Variants in CDK15 observed in about 807,000 individuals in gnomAD.
The protein encoded by CDK15 is cyclin dependent kinase 15.
A neutral mutation model predicts 60.3 loss-of-function variants in CDK15; 62 were observed. That is an observed-to-expected ratio of 1.03 (90% CI 0.84 to 1.27). CDK15 has a LOEUF of 1.27. Ranked by LOEUF, CDK15 falls within the 50% of genes most tolerant of loss-of-function variation. The pLI is 0.00. For synonymous variants in CDK15, 194 were observed against 195.7 expected (o/e 0.99, Z 0.07); for missense variants, 541 against 527.8 (o/e 1.03, Z -0.25).
chr2:201,860,984 C>T, intron 10 of CDK15: 2 of 1,205,264 alleles, frequency 1.7e-6, no homozygotes, highest in Non-Finnish European at 2.1e-6. Flanking sequence ...GCTGTGAGCA[C>T]AAGCTAAGGT....
At chr2:201,859,622 C>T (rs965045378) in intron 10 of CDK15, among the ~76,000 whole-genome samples, 7 of 152,044 alleles carry the variant, frequency 4.6e-5, no homozygotes, top group Admixed American at 1.3e-4. Flanking sequence ...TTGAGGGAGC[C>T]CAGCGGGGAG....
rs1699328864 is a variant in CDK15, at chr2:201,882,753, A to G, written c.1198+2586A>G. On this transcript the variant is annotated intron_variant, in intron 12 of 13. Coordinates refer to ENST00000652192, the MANE Select transcript of CDK15 (RefSeq NM_001366386.2). This position sits in a 1 kb window ranked among gnomAD's most constrained non-coding sequence, Gnocchi z 4.0. ...AAATATGTATATAGACAGATGGACA[A>G]GTAGATAGAAAAAGCAAAGCTACCA... is the stretch of plus-strand genomic sequence containing the variant. 1.3e-5 allele frequency among the ~76,000 whole-genome samples: 2 copies of G among 152,116 alleles called. No homozygotes were observed. The highest frequency in any genetic ancestry group is 4.1e-4 in the South Asian group (2 of 4,826).
intron 3 of CDK15, among the ~76,000 whole-genome samples, chr2:201,812,046 C>G (rs1695792077): frequency 6.6e-6 from 1 of 151,738 alleles, no homozygotes; most frequent in Admixed American, 6.6e-5. Flanking sequence ...TGGTGGGGGT[C>G]CCCTGTAATC....
chr2:201,889,597 G>T (rs985542087), intron 12 of CDK15: 5 of 197,582 alleles, frequency 2.5e-5, no homozygotes, highest in Non-Finnish European at 4.6e-5. Context: ...GAGCATTCAG[G>T]AGTAGCAAGC....
chr2:201,814,139 C>G (rs2106156727), intron 4 of CDK15, among the ~76,000 whole-genome samples: 1 of 152,352 alleles, frequency 6.6e-6, no homozygotes, highest in South Asian at 2.1e-4. Context: ...CCAAGTTTTT[C>G]AGGTTGACAT....
intron 8 of CDK15, among the ~76,000 whole-genome samples, chr2:201,844,043 C>T (rs1344652519): frequency 6.6e-6 from 1 of 152,104 alleles, no homozygotes; most frequent in Non-Finnish European, 1.5e-5. Flanking sequence ...AGGTTTAAAC[C>T]TAGGAATGTC....
chr2:201,807,621 A>G lies in CDK15; in HGVS notation c.251A>G (p.Asp84Gly). ...RSNSDCFQEE[D>G]LRQGFQWRKS... ...AACAGTGATTGTTTTCAGGAAGAGG[A>G]TCTGAGGCAGGGTTTTCAGTGGGTG... The change falls in exon 2 of 14, where the codon GAT (aspartate) becomes GGT (glycine). Residue 84 changes from aspartate (D) to glycine (G), a missense_variant. By Grantham distance (94) the Asp-to-Gly change is moderately conservative. Transcript: ENST00000652192. 6.2e-7 allele frequency: 1 copy of G among 1,614,160 alleles called. No individual in the cohort carries two copies. The highest frequency in any genetic ancestry group is 8.5e-7 in the Non-Finnish European group (1 of 1,180,030).
intron 8 of CDK15, among the ~76,000 whole-genome samples, chr2:201,838,263 T>TG (rs1322243186): frequency 7.0e-6 from 1 of 143,094 alleles, no homozygotes; most frequent in Non-Finnish European, 1.5e-5. Context: ...GGTGGGGTGG[T>TG]GGGGGGTATC....
chr2:201,827,667 T>C (rs1198625638), intron 6 of CDK15, among the ~76,000 whole-genome samples: 1 of 152,166 alleles, frequency 6.6e-6, no homozygotes, highest in Admixed American at 6.5e-5. Context: ...AGTGCAATGG[T>C]GCAGTCATGG....
intron 10 of CDK15, among the ~76,000 whole-genome samples, chr2:201,859,458 C>T (rs1296084413): frequency 2.0e-5 from 3 of 152,170 alleles, no homozygotes; most frequent in African/African-American, 7.2e-5. Context: ...GTGGCTATGC[C>T]AAACCATACA....
In CDK15 at chr2:201,872,300, T is replaced by C. The variant is rs764712442; in HGVS notation, c.1032T>C (p.Pro344=). The C allele has an allele frequency of 4.3e-6, 7 of 1,614,090 alleles. No homozygotes were observed. The South Asian group carries it at 6.6e-5, about 15-fold the overall frequency. The part of the protein sequence containing the change: ...YNPEWFPLPT[P]RSLHVVWNRL... Reference sequence around the variant, plus strand: ...CAGAATGGTTCCCACTGCCTACGCCTCGAAGCCTTCATGTTGTCTGGAACA... The same window carrying C: ...CAGAATGGTTCCCACTGCCTACGCCCCGAAGCCTTCATGTTGTCTGGAACA... The change falls in exon 11 of 14, where the codon CCT becomes CCC. Residue 344 remains proline (P), a synonymous_variant. Transcript: ENST00000652192.
In CDK15 at chr2:201,823,667, C is replaced by T; in HGVS notation, c.546C>T (p.His182=). 1 of 1,613,790 alleles carries T rather than the reference C, an allele frequency of 6.2e-7. No individual in the cohort carries two copies. The highest frequency in any genetic ancestry group is 1.1e-5 in the South Asian group (1 of 91,086). ...TCTTTCTCCGCTGTTTTATTTAGCA[C>T]ACAGACCTGGCCCAGTATATGTCTC... is the stretch of plus-strand genomic sequence containing the variant. ...ETLTFVFEYM[H]TDLAQYMSQH... is the part of the protein sequence containing the mutation. Residue 182 remains histidine, a splice_region_variant and synonymous_variant, in exon 6 of 14, where the codon CAC becomes CAT. Transcript: ENST00000652192.
At chr2:201,851,563 TGGCTAAAGGC>T (rs912066722) in intron 9 of CDK15, among the ~76,000 whole-genome samples, 1 of 152,168 alleles carries the variant, frequency 6.6e-6, no homozygotes, top group African/African-American at 2.4e-5. Flanking sequence ...ACGCTAAAGG[TGGCTAAAGGC>T]CCCACCTCTT....
At chr2:201,812,424 A>G (rs1695815813) in intron 3 of CDK15, 59 bp from the exon 4 acceptor site, 6 of 1,089,488 alleles carry the variant, frequency 5.5e-6, no homozygotes, top group Admixed American at 3.8e-5. Context: ...CATCTTTGGT[A>G]TAAATTGCTG....
chr2:201,840,370 G>T (rs1697324318), intron 8 of CDK15, among the ~76,000 whole-genome samples: 1 of 152,132 alleles, frequency 6.6e-6, no homozygotes. Flanking sequence ...ACCTACCAAT[G>T]AAAGGTGTGT....
chr2:201,825,132 G>T (rs1696411838), intron 6 of CDK15, among the ~76,000 whole-genome samples: 1 of 151,982 alleles, frequency 6.6e-6, no homozygotes, highest in African/African-American at 2.4e-5. Flanking sequence ...AGCCAACATG[G>T]TGAAACCCCG....
intron 10 of CDK15, among the ~76,000 whole-genome samples, chr2:201,868,386 A>C (rs1698717210): frequency 6.6e-6 from 1 of 152,188 alleles, no homozygotes; most frequent in African/African-American, 2.4e-5. Flanking sequence ...GGTAAGAGGC[A>C]TAGTGTGGGT....
rs913377627 is a variant in CDK15 at position 201,820,014 on chromosome 2, T to C, written c.449-2795T>C. On this transcript the variant is annotated intron_variant, in intron 4 of 13. Transcript: ENST00000652192. Reference sequence around the variant, plus strand: ...AGCAAGTGAGAGCATGAGGCCATCATAATGAACAAATCATGCCATCATGAT... The same window carrying C: ...AGCAAGTGAGAGCATGAGGCCATCACAATGAACAAATCATGCCATCATGAT... Among the ~76,000 whole-genome samples the C allele has an allele frequency of 3.0e-4, 46 of 152,204 alleles. 1 individual carries two copies. The highest frequency in any genetic ancestry group is 8.7e-4 in the African/African-American group (36 of 41,450).
Position 201,835,313 on chromosome 2 carries a change from G to A in CDK15, c.731-330G>A, listed in dbSNP as rs549655434. ...TTCCTGCTCATCACAGCCCAGAGGA[G>A]GGAGAAAAGGGAAGCAGAACCCTTA... On this transcript the variant is annotated intron_variant, in intron 7 of 13. Transcript: ENST00000652192. 8.5e-5 allele frequency among the ~76,000 whole-genome samples: 13 copies of A among 152,250 alleles called. No individual in the cohort carries two copies. In the South Asian group the frequency reaches 2.3e-3, roughly 27 times the overall value.
Sources: gnomAD v4.1 joint callset for allele counts (sites outside exome capture counted in the v4.1 genomes callset) on GRCh38, gnomAD v4.1.1 for gene constraint, Gnocchi (gnomAD v3.1) non-coding constraint, MANE v1.5 for transcripts, NCBI Gene and HGNC (gene_info 2026-07-23, HGNC 2026-07-21) for gene names.